The following PTPRU variants were observed in gnomAD, a reference collection of about 807,000 sequenced individuals.
The protein encoded by PTPRU is protein tyrosine phosphatase receptor type U, also known as receptor-type tyrosine-protein phosphatase U.
PTPRU carries 69 observed loss-of-function variants against 166.3 expected under a neutral mutation model. That is an observed-to-expected ratio of 0.41 (90% CI 0.34 to 0.51). The LOEUF (loss-of-function observed/expected upper bound fraction) is 0.51. PTPRU is among the 20% of genes least tolerant of loss of function. PTPRU has a pLI of 0.09. For missense variants in PTPRU, 1,657 were observed against 2,013.7 expected (o/e 0.82, Z 3.39); for synonymous variants, 793 against 814.0 (o/e 0.97, Z 0.44).
At position 29,260,793 on chromosome 1, in the gene PTPRU, G is replaced by T. The variant is rs1180471157; in HGVS notation, c.1034G>T (p.Trp345Leu). ...HAVSLQTYKL[W>L]HLDPDTEYEI... ...GTCAGCCTGCAGACCTACAAGCTGT[G>T]GCACCTCGACCCCGACACAGAGTAT... Residue 345 changes from tryptophan to leucine, a missense_variant, in exon 7 of 30, where the codon TGG becomes TTG. By Grantham distance (61) the Trp-to-Leu change is moderately conservative. Around this residue, in one of 3 missense-constraint regions of PTPRU, gnomAD observed 14 missense variants for 39.4 expected, o/e 0.36. Transcript: ENST00000373779. The surrounding 1 kb of genome is among the most constrained non-coding windows in gnomAD (Gnocchi z 8.3). The T allele has an allele frequency of 6.2e-7, 1 of 1,613,516 alleles. No individual in the cohort carries two copies. Among genetic ancestry groups the T allele is most frequent in the South Asian group, 1.1e-5 (1 of 91,044 alleles).
At chr1:29,252,560 G>C (rs1045201773) in intron 1 of PTPRU, among the ~76,000 whole-genome samples, 2 of 152,094 alleles carry the variant, frequency 1.3e-5, no homozygotes, top group Non-Finnish European at 2.9e-5. Flanking sequence ...GAGCCACCGC[G>C]CCTGGCCTGG....
Position 29,309,438 on chromosome 1 carries a change from A to T in PTPRU, c.2821-1306A>T, listed in dbSNP as rs1027387120. ...AGGTCCATTCAACTCCAAGACTCAG[A>T]TTCTTCACCCCATAGTCAATCGCCT... is the stretch of plus-strand genomic sequence containing the variant. On this transcript the variant is annotated intron_variant, in intron 18 of 29. Coordinates refer to ENST00000373779, the MANE Select transcript of PTPRU (RefSeq NM_133178.4). 2.0e-5 allele frequency among the ~76,000 whole-genome samples: 3 copies of T among 152,188 alleles called. No homozygotes were observed. In the East Asian group the frequency reaches 5.8e-4, roughly 29 times the overall value.
intron 7 of PTPRU, among the ~76,000 whole-genome samples, chr1:29,263,949 G>T (rs978338349): frequency 4.6e-5 from 7 of 152,106 alleles, no homozygotes; most frequent in African/African-American, 1.7e-4. Flanking sequence ...GGCCGAGGAG[G>T]GCAGATCATT....
rs1439424374 is a variant in PTPRU, at chr1:29,320,102, C to T, written c.3688-583C>T. The T allele has an allele frequency of 2.6e-5, 4 of 152,278 alleles. No individual in the cohort carries two copies. Among genetic ancestry groups the T allele is most frequent in the Admixed American group, 6.5e-5 (1 of 15,292 alleles). The allele number at this position is 152,278 out of a possible 1,614,324, so 9.4% of individuals were successfully genotyped here. A position where few individuals can be genotyped will look rare whatever the true frequency, so the allele number is the denominator to read the frequency against. ...GAGACCATACCCTAGAAGCTCTGCT[C>T]TCCTGAACCTTGCTTTTAGCAGGTG... is the stretch of plus-strand genomic sequence containing the variant. On this transcript the variant is annotated intron_variant, in intron 25 of 29. Transcript: ENST00000373779. The surrounding 1 kb of genome is among the most constrained non-coding windows in gnomAD (Gnocchi z 5.2).
At chr1:29,270,642 A>G (rs530056604) in intron 7 of PTPRU, among the ~76,000 whole-genome samples, 48 of 152,242 alleles carry the variant, frequency 3.2e-4, no homozygotes, top group African/African-American at 1.2e-3. Context: ...ATCAACATTC[A>G]AAGGGGGTTA....
In PTPRU at chr1:29,320,172, A is replaced by C. The variant is rs982196962; in HGVS notation, c.3688-513A>C. On this transcript the variant is annotated intron_variant, in intron 25 of 29. Coordinates refer to ENST00000373779, the MANE Select transcript of PTPRU (RefSeq NM_133178.4). This position sits in a 1 kb window ranked among gnomAD's most constrained non-coding sequence, Gnocchi z 5.2. ...TATACAATGAAATGTCATCAACTGG[A>C]AATTTCTACAAAAACAGCCAGGCAG... is the stretch of plus-strand genomic sequence containing the variant. The C allele has an allele frequency of 2.6e-5, 4 of 152,758 alleles. No individual in the cohort carries two copies. The highest frequency in any genetic ancestry group is 9.6e-5 in the African/African-American group (4 of 41,462). The allele number at this position is 152,758 out of a possible 1,614,324, so 9.5% of individuals were successfully genotyped here.
intron 7 of PTPRU, among the ~76,000 whole-genome samples, chr1:29,264,468 A>G (rs1256436818): frequency 1.3e-5 from 2 of 149,974 alleles, no homozygotes; most frequent in Non-Finnish European, 3.0e-5. Flanking sequence ...CTTTGAGTTA[A>G]TTTTTCAAAT....
chr1:29,283,149 C>T (rs1394928948), intron 12 of PTPRU, among the ~76,000 whole-genome samples, 200 bp downstream of exon 12: 2 of 148,378 alleles, frequency 1.3e-5, no homozygotes, highest in East Asian at 2.0e-4. Flanking sequence ...CCTCCCATAG[C>T]CCTGGCCCCA....
chr1:29,269,235 TATATA>T (rs1685436869), intron 7 of PTPRU, among the ~76,000 whole-genome samples: 1 of 44,222 alleles, frequency 2.3e-5, no homozygotes, highest in Non-Finnish European at 4.9e-5. Context: ...TATATATATA[TATATA>T]TATATATTTT....
intron 8 of PTPRU, among the ~76,000 whole-genome samples, chr1:29,276,596 G>A (rs1309335800): frequency 6.6e-6 from 1 of 152,134 alleles, no homozygotes; most frequent in Non-Finnish European, 1.5e-5. Context: ...GGGATTACAG[G>A]CATGAGCCAC....
At position 29,260,786 on chromosome 1, in the gene PTPRU, A is replaced by G. The variant is rs1685026444; in HGVS notation, c.1027A>G (p.Lys343Glu). Reference protein sequence around the residue: ...EVHAVSLQTYKLWHLDPDTEY... With the variant: ...EVHAVSLQTYELWHLDPDTEY... ...GCACGCCGTCAGCCTGCAGACCTAC[A>G]AGCTGTGGCACCTCGACCCCGACAC... Residue 343 changes from lysine (K) to glutamate (E), a missense_variant, in exon 7 of 30, where the codon AAG becomes GAG. Coordinates refer to ENST00000373779, the MANE Select transcript of PTPRU (RefSeq NM_133178.4). This position sits in a 1 kb window ranked among gnomAD's most constrained non-coding sequence, Gnocchi z 8.3. The G allele has an allele frequency of 6.2e-7, 1 of 1,613,388 alleles. No homozygotes were observed. Among genetic ancestry groups the G allele is most frequent in the Non-Finnish European group, 8.5e-7 (1 of 1,179,722 alleles).
chr1:29,259,600 T>TGGGTTTTTTGGGGGGGGGGGGGGGGG, intron 5 of PTPRU, 36 bp downstream of exon 5: 2 of 253,672 alleles, frequency 7.9e-6, no homozygotes, highest in Non-Finnish European at 1.5e-5. Context: ...GGGGGCGGGG[T>TGGGTTTTTTGGGGGGGGGGGGGGGGG]GGGAGGGGGT....
chr1:29,319,120 C>T (rs1688033229), intron 25 of PTPRU, among the ~76,000 whole-genome samples: 1 of 152,188 alleles, frequency 6.6e-6, no homozygotes, highest in Non-Finnish European at 1.5e-5. Flanking sequence ...CACTGTCACT[C>T]AGCTTGGTGG....
At chr1:29,269,413 A>G (rs1025420699) in intron 7 of PTPRU, among the ~76,000 whole-genome samples, 1 of 151,214 alleles carries the variant, frequency 6.6e-6, no homozygotes, top group African/African-American at 2.4e-5. Flanking sequence ...TGTTTTTAAC[A>G]GCAGCAGCAG....
chr1:29,315,732 G>C lies in PTPRU; in HGVS notation c.3363+225G>C, dbSNP rs1317496713. Among the ~76,000 whole-genome samples, 1 of 152,164 alleles carries C rather than the reference G, an allele frequency of 6.6e-6. No individual in the cohort carries two copies. ...AACCGGTCCTGTAGCTGACATACCT[G>C]GGATTGCATCCTCAGTGGATGTGTG... On this transcript the variant is annotated intron_variant, in intron 23 of 29. Transcript: ENST00000373779. The surrounding 1 kb of genome is among the most constrained non-coding windows in gnomAD (Gnocchi z 4.5).
chr1:29,283,882 C>T (rs1251147511), intron 12 of PTPRU, 58 bp from the exon 13 acceptor site: 27 of 1,605,750 alleles, frequency 1.7e-5, no homozygotes, highest in Non-Finnish European at 2.3e-5. Flanking sequence ...AGGTTCCCAC[C>T]CTGGGGAGGG....
At chr1:29,265,995 A>T (rs923963175) in intron 7 of PTPRU, among the ~76,000 whole-genome samples, 3 of 147,974 alleles carry the variant, frequency 2.0e-5, no homozygotes, top group Non-Finnish European at 4.5e-5. Context: ...CTGTCTCCCA[A>T]AGATTTTCTC....
intron 7 of PTPRU, among the ~76,000 whole-genome samples, chr1:29,263,126 A>G (rs1685146801): frequency 6.6e-6 from 1 of 152,188 alleles, no homozygotes; most frequent in African/African-American, 2.4e-5. Flanking sequence ...CTGAGACTAC[A>G]GGCACCCACC....
chr1:29,308,198 G>A (rs978378527), intron 18 of PTPRU, among the ~76,000 whole-genome samples: 1 of 151,610 alleles, frequency 6.6e-6, no homozygotes, highest in African/African-American at 2.4e-5. Context: ...CAGCCTTGAA[G>A]TCCTATGCAC....
Sources: gnomAD v4.1 joint callset for allele counts (sites outside exome capture counted in the v4.1 genomes callset) on GRCh38, gnomAD v4.1.1 for gene constraint, gnomAD v4.1.1 regional missense constraint, Gnocchi (gnomAD v3.1) non-coding constraint, MANE v1.5 for transcripts, NCBI Gene and HGNC (gene_info 2026-07-23, HGNC 2026-07-21) for gene names.